The following ADARB2 variants were observed in gnomAD, a reference collection of about 807,000 sequenced individuals.
The protein encoded by ADARB2 is adenosine deaminase RNA specific B2 (inactive), also known as inactive double-stranded RNA-specific editase B2.
Under a neutral mutation model 62.2 loss-of-function variants are expected in ADARB2, and 25 were observed. The observed-to-expected ratio is 0.40, with a 90% CI of 0.29 to 0.56. The LOEUF is 0.56. Ranked by LOEUF, ADARB2 falls within the 20% of genes least tolerant of loss-of-function variation. The pLI is 0.43. For missense variants in ADARB2, 1,071 were observed against 1,077.4 expected, an observed-to-expected ratio of 0.99 and a Z score of 0.08; for synonymous variants, 572 against 500.8, an observed-to-expected ratio of 1.14 and a Z score of -1.90.
At chr10:1,674,680 T>C (rs1020403150) in intron 1 of ADARB2, among the ~76,000 whole-genome samples, 2 of 152,194 alleles carry the variant, frequency 1.3e-5, no homozygotes, top group Non-Finnish European at 1.5e-5. Context: ...CTCCTCTACC[T>C]GACCGGTCCC....
chr10:1,213,756 G>A (rs888112987), intron 7 of ADARB2, among the ~76,000 whole-genome samples: 4 of 152,250 alleles, frequency 2.6e-5, no homozygotes, highest in Non-Finnish European at 5.9e-5. Flanking sequence ...AGGAAGCAGT[G>A]TAGACCTTTG....
intron 1 of ADARB2, among the ~76,000 whole-genome samples, chr10:1,592,194 C>G (rs1485656345): frequency 4.6e-5 from 7 of 152,192 alleles, no homozygotes; most frequent in South Asian, 2.1e-4. Flanking sequence ...CAGATGCCCT[C>G]GCAAGTATAA....
At chr10:1,645,898 C>T (rs1360991949) in intron 1 of ADARB2, among the ~76,000 whole-genome samples, 3 of 152,232 alleles carry the variant, frequency 2.0e-5, no homozygotes, top group African/African-American at 7.2e-5. Context: ...TAAACTCAAT[C>T]AGTCATTCCA....
chr10:1,652,285 T>A (rs1834120249), intron 1 of ADARB2, among the ~76,000 whole-genome samples: 1 of 152,228 alleles, frequency 6.6e-6, no homozygotes. Context: ...CAAATGCTCC[T>A]GAGCACCCAC....
At chr10:1,588,352 T>C (rs1195914062) in intron 1 of ADARB2, among the ~76,000 whole-genome samples, 1 of 152,208 alleles carries the variant, frequency 6.6e-6, no homozygotes, top group Non-Finnish European at 1.5e-5. Context: ...CCAACAAGCC[T>C]GGATTTGGTG....
At chr10:1,358,242 C>T (rs187934899) in intron 3 of ADARB2, among the ~76,000 whole-genome samples, 21 of 152,330 alleles carry the variant, frequency 1.4e-4, no homozygotes, top group African/African-American at 4.1e-4. Flanking sequence ...ATGAACCCCT[C>T]AGGCTTTCCT....
intron 1 of ADARB2, among the ~76,000 whole-genome samples, chr10:1,391,808 T>C (rs1048715112): frequency 1.1e-4 from 14 of 130,934 alleles, no homozygotes; most frequent in Non-Finnish European, 1.7e-4. Flanking sequence ...ACAGTTTCAC[T>C]CTGTCACCCA....
At chr10:1,707,274 C>T (rs374261958) in intron 1 of ADARB2, among the ~76,000 whole-genome samples, 1 of 152,220 alleles carries the variant, frequency 6.6e-6, no homozygotes, top group African/African-American at 2.4e-5. Context: ...AGATCCACCT[C>T]GTCAGAGGAG....
chr10:1,608,794 A>AAGAAAGAAAGAAAGAAAGAAAGAAAG (rs1833529515), intron 1 of ADARB2, among the ~76,000 whole-genome samples: 1 of 150,478 alleles, frequency 6.6e-6, no homozygotes. Context: ...GAAAGAAAGA[A>AAGAAAGAAAGAAAGAAAGAAAGAAAG]AGAAAAGCAA....
At chr10:1,457,513 C>T (rs556236876) in intron 1 of ADARB2, among the ~76,000 whole-genome samples, 45 of 152,220 alleles carry the variant, frequency 3.0e-4, no homozygotes, top group African/African-American at 1.0e-3. Flanking sequence ...TGCTATGACT[C>T]GGGAAATAAA....
At chr10:1,484,443 C>A (rs946328107) in intron 1 of ADARB2, among the ~76,000 whole-genome samples, 16 of 152,250 alleles carry the variant, frequency 1.1e-4, no homozygotes, top group African/African-American at 3.9e-4. Context: ...AGAGCTAGAG[C>A]CCTGTCCACG....
chr10:1,357,842 A>G (rs974876806), intron 3 of ADARB2, among the ~76,000 whole-genome samples: 4 of 152,244 alleles, frequency 2.6e-5, no homozygotes, highest in African/African-American at 7.2e-5. Context: ...AACTCTGTGC[A>G]GAGGAGAAAA....
intron 1 of ADARB2, among the ~76,000 whole-genome samples, chr10:1,666,295 C>T (rs796356060): frequency 5.9e-5 from 9 of 152,354 alleles, no homozygotes; most frequent in African/African-American, 2.2e-4. Context: ...GGCCACCTGC[C>T]CTGCCTGCCC....
At chr10:1,671,216 CAT>C (rs1834381026) in intron 1 of ADARB2, among the ~76,000 whole-genome samples, 1 of 152,204 alleles carries the variant, frequency 6.6e-6, no homozygotes, top group Non-Finnish European at 1.5e-5. Flanking sequence ...CGTCTGCTCT[CAT>C]GATCTCGCCC....
intron 1 of ADARB2, among the ~76,000 whole-genome samples, chr10:1,695,791 T>G (rs1383788342): frequency 6.6e-6 from 1 of 152,086 alleles, no homozygotes; most frequent in South Asian, 2.1e-4. Flanking sequence ...TACACATGGG[T>G]GCATGTGTGT....
At chr10:1,346,759 C>T (rs966580193) in intron 3 of ADARB2, among the ~76,000 whole-genome samples, 20 of 152,256 alleles carry the variant, frequency 1.3e-4, no homozygotes, top group African/African-American at 4.1e-4. Flanking sequence ...CCATGTCAGG[C>T]GAGGGCACGT....
chr10:1,267,684 G>C (rs1436395452), intron 4 of ADARB2, among the ~76,000 whole-genome samples: 1 of 152,208 alleles, frequency 6.6e-6, no homozygotes, highest in African/African-American at 2.4e-5. Context: ...ATATAAGCAA[G>C]TCTAGCAACA....
rs1836699687 is a variant in ADARB2, at chr10:1,183,009, C to CGATCT, written c.*179_*183dup. 1.5e-6 allele frequency: 1 copy of CGATCT among 680,764 alleles called. No individual in the cohort carries two copies. Among genetic ancestry groups the CGATCT allele is most frequent in the South Asian group, 1.9e-5 (1 of 51,442 alleles). The allele number at this position is 680,764 out of a possible 1,614,324, so 42.2% of individuals were successfully genotyped here. Reference sequence around the variant, plus strand: ...GTGGGGGACAGGGTTCTGGGGCCAGCGATCTGGAAAGAGGCACGTTCTGAA... The same window carrying CGATCT: ...GTGGGGGACAGGGTTCTGGGGCCAGCGATCTGATCTGGAAAGAGGCACGTTCTGAA... On this transcript the variant is annotated 3_prime_UTR_variant, in exon 10 of 10. Transcript: ENST00000381312.
chr10:1,718,216 AACT>A (rs1470588551), intron 1 of ADARB2, among the ~76,000 whole-genome samples: 5 of 152,174 alleles, frequency 3.3e-5, no homozygotes, highest in Admixed American at 2.0e-4. Context: ...GAATTCAAAT[AACT>A]ACAACTGGGG....
Sources: allele counts gnomAD v4.1 joint callset (sites outside exome capture counted in the v4.1 genomes callset), GRCh38; gene constraint gnomAD v4.1.1; transcripts MANE v1.5; gene names NCBI Gene and HGNC (gene_info 2026-07-23, HGNC 2026-07-21).